The following SAMSN1 variants were observed in gnomAD, a reference collection of about 807,000 sequenced individuals.
The protein encoded by SAMSN1 is SAM domain-containing protein SAMSN-1.
In SAMSN1, 31 loss-of-function variants were observed where a neutral mutation model predicts 42.0. The observed-to-expected ratio is 0.74, with a 90% CI of 0.55 to 1.00. SAMSN1 has a LOEUF of 1.00. Among genes scored for constraint, SAMSN1 ranks in the 50% least tolerant of loss-of-function variants. SAMSN1 has a pLI of 0.00. For missense variants in SAMSN1, 464 were observed against 439.4 expected (o/e 1.06, Z -0.50); for synonymous variants, 178 against 151.9 (o/e 1.17, Z -1.26).
chr21:14,549,905 C>T (rs1202567849), upstream of SAMSN1, among the ~76,000 whole-genome samples: 1 of 150,892 alleles, frequency 6.6e-6, no homozygotes, highest in East Asian at 1.9e-4. Flanking sequence ...TGGGGTTTCA[C>T]GGAAGTGGAG....
intron 1 of SAMSN1, among the ~76,000 whole-genome samples, chr21:14,533,418 A>G (rs1245411282): frequency 1.3e-5 from 2 of 152,218 alleles, no homozygotes; most frequent in East Asian, 1.9e-4. Context: ...TATAAAAAAT[A>G]TAATAAAGAA....
intron 1 of SAMSN1, among the ~76,000 whole-genome samples, chr21:14,652,064 A>T (rs183560237): frequency 6.8e-6 from 1 of 147,030 alleles, no homozygotes; most frequent in East Asian, 2.0e-4. Context: ...TTATTGAAAA[A>T]TAATATAGGT....
At chr21:14,489,944 T>C (rs902646818) in intron 7 of SAMSN1, among the ~76,000 whole-genome samples, 8 of 152,246 alleles carry the variant, frequency 5.3e-5, no homozygotes, top group African/African-American at 1.7e-4. Context: ...ATACTAAAAG[T>C]GAAGATAGTT....
upstream of SAMSN1, among the ~76,000 whole-genome samples, chr21:14,548,560 T>G (rs1033751402): frequency 1.2e-4 from 19 of 152,172 alleles, no homozygotes; most frequent in African/African-American, 4.6e-4. Context: ...AAGAAATGTT[T>G]AAAATGTAAA....
intron 1 of SAMSN1, among the ~76,000 whole-genome samples, chr21:14,537,165 C>T (rs1394811956): frequency 1.3e-5 from 2 of 152,188 alleles, no homozygotes; most frequent in African/African-American, 2.4e-5. Flanking sequence ...CGGCTCTTCC[C>T]GCTATGCACT....
At chr21:14,640,846 A>AT in intron 2 of SAMSN1, among the ~76,000 whole-genome samples, 1 of 152,198 alleles carries the variant, frequency 6.6e-6, no homozygotes, top group South Asian at 2.1e-4. Flanking sequence ...GTATACATAT[A>AT]TTTTTAATTA....
chr21:14,512,125 A>C (rs1231913817), intron 4 of SAMSN1, among the ~76,000 whole-genome samples: 1 of 152,206 alleles, frequency 6.6e-6, no homozygotes, highest in Non-Finnish European at 1.5e-5. Context: ...TGTTGACTCA[A>C]GATAAAGGTG....
At chr21:14,652,715 A>G (rs1983856001) in intron 1 of SAMSN1, among the ~76,000 whole-genome samples, 1 of 152,044 alleles carries the variant, frequency 6.6e-6, no homozygotes, top group African/African-American at 2.4e-5. Context: ...GCTTCCGCAC[A>G]GAAAAAGATA....
rs118173592 is a variant in SAMSN1 at position 14,510,301 on chromosome 21, T to C, written c.561+9A>G. 1,498 of 1,613,444 alleles carry C rather than the reference T, an allele frequency of 9.3e-4. 38 individuals carry two copies. The East Asian group carries it at 0.026, about 28-fold the overall frequency. On this transcript the variant is annotated intron_variant, in intron 5 of 7. Coordinates refer to ENST00000400566, the MANE Select transcript of SAMSN1 (RefSeq NM_022136.5). ...ACCATTCAGAAGGTGGGATATGATGTCCTCTCACCTTGATTTTGAGGGAGT... is the reference window on the plus strand; with the variant it reads ...ACCATTCAGAAGGTGGGATATGATGCCCTCTCACCTTGATTTTGAGGGAGT...
chr21:14,582,541 G>A (rs34228133), intron 1 of SAMSN1: 8,184 of 651,644 alleles, frequency 0.013, 78 homozygotes, highest in Non-Finnish European at 0.017. Context: ...TTCACATATA[G>A]GAATTATTCT....
Position 14,498,571 on chromosome 21 carries a change from G to C in SAMSN1, c.790C>G (p.Leu264Val). 6.3e-7 allele frequency: 1 copy of C among 1,597,432 alleles called. No homozygotes were observed. The highest frequency in any genetic ancestry group is 8.5e-7 in the Non-Finnish European group (1 of 1,175,096). ...TCTTCTAGAGTCTCATAACCATTGA[G>C]CAAAAGTGTTGAGGTGTATTCCTGT... ...HLQEYTSTLL[L>V]NGYETLEDLK... The change falls in exon 7 of 8, where the codon CTC (leucine) becomes GTC (valine). Residue 264 changes from leucine (L) to valine (V), a missense_variant. By Grantham distance (32) the Leu-to-Val change is conservative (BLOSUM62 1). Transcript: ENST00000400566.
At chr21:14,572,041 C>T (rs938844291) in intron 2 of SAMSN1, among the ~76,000 whole-genome samples, 5 of 152,158 alleles carry the variant, frequency 3.3e-5, no homozygotes, top group Non-Finnish European at 5.9e-5. Flanking sequence ...CATCCTAATG[C>T]AAGAACCTGT....
In SAMSN1 at chr21:14,637,103, T is replaced by C. The variant is rs554566593; in HGVS notation, c.156+5899A>G. Among the ~76,000 whole-genome samples, 5 of 152,340 alleles carry C rather than the reference T, an allele frequency of 3.3e-5. No homozygotes were observed. The East Asian group carries it at 9.6e-4, about 29-fold the overall frequency. On this transcript the variant is annotated intron_variant, in intron 2 of 15. Transcript: ENST00000647101. ...CCTTGTCCAATATGGCAGCCATCCA[T>C]AGTCTCAAGTGGCTATTGAGTGCTT...
Position 14,620,585 on chromosome 21 carries a change from C to G in SAMSN1, c.157-4569G>C, listed in dbSNP as rs531989488. 2.6e-5 allele frequency among the ~76,000 whole-genome samples: 4 copies of G among 152,272 alleles called. No homozygotes were observed. In the South Asian group the frequency reaches 6.2e-4, roughly 24 times the overall value. On this transcript the variant is annotated intron_variant, in intron 2 of 15. Transcript: ENST00000647101. ...GCCAATGTGTGATATTTTAAGGTAG[C>G]ATTTCATGTACCCCTCATTGTTTTA...
At chr21:14,647,664 A>G (rs1464421837) in intron 1 of SAMSN1, among the ~76,000 whole-genome samples, 2 of 137,780 alleles carry the variant, frequency 1.5e-5, no homozygotes, top group Non-Finnish European at 3.2e-5. Context: ...TATTTCCTTG[A>G]GCATTGGTTT....
chr21:14,614,008 A>G (rs1259465808), intron 3 of SAMSN1, among the ~76,000 whole-genome samples: 1 of 152,128 alleles, frequency 6.6e-6, no homozygotes, highest in Non-Finnish European at 1.5e-5. Context: ...CAAATAAATG[A>G]AAAGACATAA....
chr21:14,509,089 C>T lies in SAMSN1; in HGVS notation c.561+1221G>A, dbSNP rs983430347. On this transcript the variant is annotated intron_variant, in intron 5 of 7. Coordinates refer to ENST00000400566, the MANE Select transcript of SAMSN1 (RefSeq NM_022136.5). ...CAAGATTGTGCCACTGCACTCCAGC[C>T]TGGTGACAGAGCAAGACTCCATCAA... 2.0e-5 allele frequency among the ~76,000 whole-genome samples: 3 copies of T among 150,852 alleles called. No homozygotes were observed. The East Asian group carries it at 5.9e-4, about 29-fold the overall frequency.
At chr21:14,622,252 A>G (rs1983033714) in intron 2 of SAMSN1, among the ~76,000 whole-genome samples, 1 of 152,276 alleles carries the variant, frequency 6.6e-6, no homozygotes, top group Admixed American at 6.5e-5. Context: ...CTCGCCAGCA[A>G]TGGAACAAAG....
intron 1 of SAMSN1, among the ~76,000 whole-genome samples, chr21:14,644,155 G>A (rs893190360): frequency 2.0e-5 from 3 of 152,150 alleles, no homozygotes; most frequent in African/African-American, 7.2e-5. Context: ...ACAGTAGACT[G>A]AGGGGGCATG....
Sources: gnomAD v4.1 joint callset for allele counts (sites outside exome capture counted in the v4.1 genomes callset) on GRCh38, gnomAD v4.1.1 for gene constraint, MANE v1.5 for transcripts, NCBI Gene and HGNC (gene_info 2026-07-23, HGNC 2026-07-21) for gene names.